Variants in TMEM132B observed in about 807,000 individuals in gnomAD.
The protein encoded by TMEM132B is transmembrane protein 132B.
A neutral mutation model predicts 90.8 loss-of-function variants in TMEM132B; 18 were observed. The observed-to-expected ratio is 0.20, with a 90% CI of 0.14 to 0.29. The LOEUF is 0.29. Among genes scored for constraint, TMEM132B ranks in the 10% least tolerant of loss-of-function variants. The probability of loss-of-function intolerance (pLI) is 1.00; values close to 1 mark genes in which losing one functional copy is unlikely to be tolerated. For missense variants in TMEM132B, 1,096 were observed against 1,326.8 expected (o/e 0.83, Z 2.70); for synonymous variants, 504 against 523.3 (o/e 0.96, Z 0.50).
intron 2 of TMEM132B, among the ~76,000 whole-genome samples, chr12:125,387,193 C>T (rs1878865441): frequency 6.6e-6 from 1 of 152,040 alleles, no homozygotes; most frequent in Non-Finnish European, 1.5e-5. Context: ...ATTTGTGATC[C>T]ATTGCATAGG....
intron 1 of TMEM132B, among the ~76,000 whole-genome samples, chr12:125,245,690 T>TGG (rs369910734): frequency 4.6e-5 from 7 of 151,942 alleles, no homozygotes; most frequent in Admixed American, 1.3e-4. Flanking sequence ...TGTCGGGGGA[T>TGG]GGGGGGGGAC....
chr12:125,366,965 C>T (rs1452288424), intron 2 of TMEM132B, among the ~76,000 whole-genome samples: 2 of 152,138 alleles, frequency 1.3e-5, no homozygotes, highest in Non-Finnish European at 1.5e-5. Context: ...TCCACCAGTG[C>T]AATTTTACTT....
intron 1 of TMEM132B, among the ~76,000 whole-genome samples, chr12:125,300,309 T>G (rs1456612431): frequency 6.6e-6 from 1 of 152,166 alleles, no homozygotes; most frequent in East Asian, 1.9e-4. Context: ...GCATTGGGAT[T>G]ACAGGCATGT....
At chr12:125,281,838 C>T (rs113931248) in intron 1 of TMEM132B, among the ~76,000 whole-genome samples, 359 of 151,884 alleles carry the variant, frequency 2.4e-3, no homozygotes, top group African/African-American at 8.2e-3. Context: ...ACCATTCTGG[C>T]TAACACGGTG....
intron 4 of TMEM132B, among the ~76,000 whole-genome samples, chr12:125,533,156 C>T (rs141887303): frequency 6.8e-4 from 104 of 152,282 alleles, no homozygotes; most frequent in African/African-American, 2.4e-3. Context: ...CCTTACCTAT[C>T]CTGTAAAAAG....
At chr12:125,486,287 T>A (rs1882200120) in intron 3 of TMEM132B, among the ~76,000 whole-genome samples, 1 of 152,190 alleles carries the variant, frequency 6.6e-6, no homozygotes, top group African/African-American at 2.4e-5. Context: ...ATATTATTAG[T>A]GTGTTATAGT....
chr12:125,649,796 C>A (rs970474377), intron 6 of TMEM132B, among the ~76,000 whole-genome samples: 4 of 152,102 alleles, frequency 2.6e-5, no homozygotes, highest in African/African-American at 9.7e-5. Context: ...TTGAGGGGAA[C>A]GTTCTGGAAT....
At chr12:125,422,906 C>T (rs1423738698) in intron 3 of TMEM132B, among the ~76,000 whole-genome samples, 1 of 152,158 alleles carries the variant, frequency 6.6e-6, no homozygotes, top group Non-Finnish European at 1.5e-5. Flanking sequence ...TGTTTTAAGC[C>T]AACAAGTCTG....
chr12:125,480,937 A>T (rs1216278902), intron 3 of TMEM132B, among the ~76,000 whole-genome samples: 1 of 152,234 alleles, frequency 6.6e-6, no homozygotes, highest in African/African-American at 2.4e-5. Context: ...CATCCCTGGG[A>T]TGCAAGGCTG....
intron 4 of TMEM132B, among the ~76,000 whole-genome samples, chr12:125,555,588 T>A (rs1050118829): frequency 3.6e-5 from 5 of 140,236 alleles, no homozygotes; most frequent in Admixed American, 7.0e-5. Context: ...GGGGGAGGGA[T>A]AGCATTAGGA....
rs900107238 is a variant in TMEM132B, at chr12:125,458,063, T to G, written c.1106+42386T>G. ...TGAAGAAGGAGGCAGAGGGTGGTCA[T>G]GAGGCAAGGTGAGTAAGGTGTGACG... is the stretch of plus-strand genomic sequence containing the variant. On this transcript the variant is annotated intron_variant, in intron 3 of 8. Coordinates refer to ENST00000682704, the MANE Select transcript of TMEM132B (RefSeq NM_001366854.1). This position sits in a 1 kb window ranked among gnomAD's most constrained non-coding sequence, Gnocchi z 4.9. Among the ~76,000 whole-genome samples, 1 of 151,974 alleles carries G rather than the reference T, an allele frequency of 6.6e-6. No individual in the cohort carries two copies. Among genetic ancestry groups the G allele is most frequent in the Non-Finnish European group, 1.5e-5 (1 of 67,992 alleles).
intron 3 of TMEM132B, among the ~76,000 whole-genome samples, chr12:125,504,036 C>T (rs181017702): frequency 3.9e-5 from 6 of 152,306 alleles, no homozygotes; most frequent in Middle Eastern, 3.4e-3. Flanking sequence ...AAGTCACAGA[C>T]GTGATACAAT....
At chr12:125,362,643 C>G (rs1877996478) in intron 2 of TMEM132B, among the ~76,000 whole-genome samples, 1 of 152,190 alleles carries the variant, frequency 6.6e-6, no homozygotes, top group African/African-American at 2.4e-5. Context: ...TCCTGGTAGC[C>G]ACCATTCTAC....
At chr12:125,607,195 G>C (rs1304198799) in intron 5 of TMEM132B, among the ~76,000 whole-genome samples, 1 of 152,140 alleles carries the variant, frequency 6.6e-6, no homozygotes, top group East Asian at 1.9e-4. Flanking sequence ...AACATTTTTA[G>C]TGTAATACCC....
intron 1 of TMEM132B, among the ~76,000 whole-genome samples, chr12:125,230,670 ATTT>A (rs745549329): frequency 7.8e-6 from 1 of 127,948 alleles, no homozygotes. Flanking sequence ...TTTTGTGTGT[ATTT>A]TTTTTTTTTT....
At position 125,490,840 on chromosome 12, in the gene TMEM132B, G is replaced by C. The variant is rs1882332042; in HGVS notation, c.1107-28599G>C. On this transcript the variant is annotated intron_variant, in intron 3 of 8. Transcript: ENST00000682704. This position sits in a 1 kb window ranked among gnomAD's most constrained non-coding sequence, Gnocchi z 4.2. ...AAGTACTCTATGGTGAAAGCAATGT[G>C]CCACTTAAAAGACTAGGTCTCAAAA... 6.6e-6 allele frequency among the ~76,000 whole-genome samples: 1 copy of C among 152,182 alleles called. No homozygotes were observed. Among genetic ancestry groups the C allele is most frequent in the South Asian group, 2.1e-4 (1 of 4,830 alleles).
At position 125,519,593 on chromosome 12, in the gene TMEM132B, A is replaced by T. The variant is rs773093463; in HGVS notation, c.1261A>T (p.Thr421Ser). The change falls in exon 4 of 9, where the codon ACA becomes TCA. Residue 421 changes from threonine (T) to serine (S), a missense_variant. Transcript: ENST00000682704. Reference protein sequence around the residue: ...LVVSEIFVSQTTFVGIVPLAM... With the variant: ...LVVSEIFVSQSTFVGIVPLAM... ...CGTCTCCGAGATCTTCGTCAGCCAG[A>T]CAACCTTCGTGGGCATCGTCCCTCT... The T allele has an allele frequency of 6.2e-7, 1 of 1,614,146 alleles. No individual in the cohort carries two copies.
intron 1 of TMEM132B, among the ~76,000 whole-genome samples, chr12:125,189,072 TCA>T (rs1295439883): frequency 2.6e-5 from 4 of 151,882 alleles, no homozygotes; most frequent in African/African-American, 9.7e-5. Context: ...CTGTCTCCCA[TCA>T]CACACACGCA....
At chr12:125,216,304 G>A (rs1387827744) in intron 1 of TMEM132B, among the ~76,000 whole-genome samples, 1 of 152,146 alleles carries the variant, frequency 6.6e-6, no homozygotes, top group East Asian at 1.9e-4. Context: ...AAGCAGGGGA[G>A]AAGCTCTCTC....
Sources: allele counts gnomAD v4.1 joint callset (sites outside exome capture counted in the v4.1 genomes callset), GRCh38; gene constraint gnomAD v4.1.1; non-coding constraint Gnocchi (gnomAD v3.1); transcripts MANE v1.5; gene names NCBI Gene and HGNC (gene_info 2026-07-23, HGNC 2026-07-21).